DST: variants seen among roughly 807,000 people sequenced by gnomAD.
DST encodes the protein bullous pemphigoid antigen.
In DST, 253 loss-of-function variants were observed where a neutral mutation model predicts 875.2. That is an observed-to-expected ratio of 0.29 (90% CI 0.26 to 0.32). DST has a LOEUF of 0.32. DST is among the 10% of genes least tolerant of loss of function. DST has a pLI of 1.00. For missense variants in DST, 8,287 were observed against 9,111.6 expected (o/e 0.91, Z 3.68); for synonymous variants, 3,124 against 3,197.1 (o/e 0.98, Z 0.77).
chr6:56,608,642 G>A lies in DST; in HGVS notation c.5986C>T (p.Leu1996=). The A allele has an allele frequency of 1.2e-6, 2 of 1,613,204 alleles. No homozygotes were observed. Among genetic ancestry groups the A allele is most frequent in the Non-Finnish European group, 1.7e-6 (2 of 1,179,572 alleles). The change falls in exon 40 of 104, where the codon CTG becomes TTG. Residue 1996 remains leucine, a synonymous_variant. Coordinates refer to ENST00000680361, the MANE Select transcript of DST (RefSeq NM_001374736.1). ...LLSAQLLSGG[L]INSNSGQRMT... ...CTTTGGCCAGAGTTGGAATTGATCA[G>A]ACCTCCAGAAAGAAGCTGTGCACTT...
At chr6:56,492,876 A>G in intron 84 of DST, 58 bp downstream of exon 84, 1 of 1,396,432 alleles carries the variant, frequency 7.2e-7, no homozygotes, top group South Asian at 1.7e-5. Context: ...GTCTCAAAAA[A>G]AAAAAAAAAA....
chr6:56,529,494 T>G lies in DST; in HGVS notation c.17549A>C (p.Gln5850Pro), dbSNP rs1194834187. ...VHDKLSKLSV[Q>P]DYSTEGLWKQ... The stretch of plus-strand genomic sequence containing the variant: ...CCATAGCCCCTCAGTGCTGTAATCC[T>G]GGACTGAGAGCTTGCTCAGTTTGTC... The change falls in exon 66 of 104, where the codon CAG becomes CCG. Residue 5850 changes from glutamine to proline, a missense_variant. By Grantham distance (76) the Gln-to-Pro change is moderately conservative (BLOSUM62 -1). This residue lies in a region of DST where 777 missense variants were observed against 764.8 expected (regional missense o/e 1.02). Transcript: ENST00000680361. The G allele has an allele frequency of 6.2e-7, 1 of 1,606,346 alleles. No homozygotes were observed. The highest frequency in any genetic ancestry group is 8.5e-7 in the Non-Finnish European group (1 of 1,175,868).
chr6:56,632,500 G>A lies in DST; in HGVS notation c.3805+354C>T, dbSNP rs186328945. Among the ~76,000 whole-genome samples, 247 of 152,132 alleles carry A rather than the reference G, an allele frequency of 1.6e-3. 1 individual carries two copies. The highest frequency in any genetic ancestry group is 1.1e-3 in the Non-Finnish European group (77 of 67,974). On this transcript the variant is annotated intron_variant, in intron 28 of 103. Coordinates refer to ENST00000680361, the MANE Select transcript of DST (RefSeq NM_001374736.1). ...TCTGTATTTAACAAAAGTTAACTAG[G>A]CAAAAACCTTTTGCTTTAATCCTTG...
intron 9 of DST, among the ~76,000 whole-genome samples, chr6:56,681,185 A>C (rs1379420300): frequency 6.6e-6 from 1 of 152,132 alleles, no homozygotes; most frequent in Non-Finnish European, 1.5e-5. Flanking sequence ...CCTAGCTCAG[A>C]GAATGGCCCC....
intron 94 of DST, 158 bp downstream of exon 94, chr6:56,471,901 T>C: frequency 2.7e-6 from 2 of 740,576 alleles, no homozygotes; most frequent in Non-Finnish European, 4.8e-6. Flanking sequence ...TCACACATAC[T>C]TGTGGTATTT....
At chr6:56,766,933 CT>C (rs1008425133) in intron 4 of DST, among the ~76,000 whole-genome samples, 55 of 152,244 alleles carry the variant, frequency 3.6e-4, no homozygotes, top group African/African-American at 1.3e-3. Context: ...TGAGTCAGTG[CT>C]TTTTTTCTGT....
At position 56,905,804 on chromosome 6, in the gene DST, G is replaced by A. The variant is rs369210185; in HGVS notation, c.217-5183C>T. ...GATGGGATTACAGGCACAGGCCACC[G>A]CACCCAGCTAATTTTTATATTTTTA... On this transcript the variant is annotated intron_variant, in intron 2 of 103. Transcript: ENST00000680361. 1.1e-4 allele frequency among the ~76,000 whole-genome samples: 17 copies of A among 151,870 alleles called. No individual in the cohort carries two copies. In the East Asian group the frequency reaches 1.2e-3, roughly 10 times the overall value.
At chr6:56,722,086 T>C (rs1241734335) in intron 5 of DST, among the ~76,000 whole-genome samples, 2 of 151,762 alleles carry the variant, frequency 1.3e-5, no homozygotes, top group Non-Finnish European at 2.9e-5. Flanking sequence ...TTTAAAAATG[T>C]AAAACATATT....
intron 4 of DST, among the ~76,000 whole-genome samples, chr6:56,773,548 T>C (rs930463828): frequency 7.2e-5 from 11 of 151,790 alleles, no homozygotes; most frequent in Admixed American, 5.9e-4. Flanking sequence ...AATGGGGAGG[T>C]TGGGGACAGT....
intron 4 of DST, among the ~76,000 whole-genome samples, chr6:56,812,369 T>A (rs749916353): frequency 6.6e-6 from 1 of 152,190 alleles, no homozygotes; most frequent in African/African-American, 2.4e-5. Flanking sequence ...AATCAGGTCA[T>A]AACTCATTCT....
chr6:56,748,263 T>C (rs1273339898), intron 4 of DST, among the ~76,000 whole-genome samples: 1 of 152,160 alleles, frequency 6.6e-6, no homozygotes, highest in Non-Finnish European at 1.5e-5. Flanking sequence ...CACTAGATTG[T>C]ATTTGGTAGG....
intron 52 of DST, 134 bp from the exon 53 acceptor site, chr6:56,572,400 T>C: frequency 1.8e-6 from 1 of 552,072 alleles, no homozygotes; most frequent in Non-Finnish European, 3.0e-6. Context: ...CTATGGCCAG[T>C]ATTCTAAATA....
At chr6:56,517,768 G>A (rs568955055) in intron 69 of DST, 148 bp from the exon 70 acceptor site, 1 of 960,770 alleles carries the variant, frequency 1.0e-6, no homozygotes, top group South Asian at 2.0e-5. Flanking sequence ...TCGTGATAAT[G>A]ACTAAATTTT....
Position 56,598,030 on chromosome 6 carries a change from G to A in DST, c.11929-24C>T, listed in dbSNP as rs780709720. 4 of 1,556,404 alleles carry A rather than the reference G, an allele frequency of 2.6e-6. No homozygotes were observed. In the Admixed American group the frequency reaches 5.6e-5, roughly 22 times the overall value. On this transcript the variant is annotated intron_variant, in intron 46 of 103. Coordinates refer to ENST00000680361, the MANE Select transcript of DST (RefSeq NM_001374736.1). ...ACCTGGGAAGGGAAAGTTCACAGGA[G>A]GAATTCAGAACGTGGGCCAAGGCAT...
chr6:56,711,754 G>C (rs1032872105), intron 5 of DST, among the ~76,000 whole-genome samples: 1 of 152,104 alleles, frequency 6.6e-6, no homozygotes. Flanking sequence ...ACATATGAGA[G>C]AGAGAAGAAC....
At chr6:56,857,499 A>G (rs1768537763) in intron 3 of DST, among the ~76,000 whole-genome samples, 1 of 152,224 alleles carries the variant, frequency 6.6e-6, no homozygotes, top group South Asian at 2.1e-4. Context: ...GAAGTCACCA[A>G]AGAAAGATGA....
intron 98 of DST, chr6:56,466,988 C>T (rs1296072792): frequency 2.0e-5 from 3 of 152,126 alleles, no homozygotes; most frequent in Non-Finnish European, 4.4e-5. Context: ...TGTAGATATG[C>T]TACAAATTCT....
chr6:56,603,204 C>T lies in DST; in HGVS notation c.11157+1G>A. On this transcript the variant is annotated splice_donor_variant, in intron 42 of 103. Coordinates refer to ENST00000680361, the MANE Select transcript of DST (RefSeq NM_001374736.1). LOFTEE classifies it high-confidence loss of function. Reference sequence around the variant, plus strand: ...TCAAAATTTTGACATTTTATGCCTACCATTTCAGAGTCGATCGCAAGCATG... The same window carrying T: ...TCAAAATTTTGACATTTTATGCCTATCATTTCAGAGTCGATCGCAAGCATG... 7 of 1,593,464 alleles carry T rather than the reference C, an allele frequency of 4.4e-6. No homozygotes were observed. The highest frequency in any genetic ancestry group is 6.0e-6 in the Non-Finnish European group (7 of 1,169,788).
At position 56,562,171 on chromosome 6, in the gene DST, C is replaced by G. The variant is rs775166216; in HGVS notation, c.14035G>C (p.Ala4679Pro). The G allele has an allele frequency of 9.0e-6, 14 of 1,556,530 alleles. No homozygotes were observed. Among genetic ancestry groups the G allele is most frequent in the Non-Finnish European group, 1.1e-5 (13 of 1,149,774 alleles). Residue 4679 changes from alanine to proline, a missense_variant, in exon 56 of 104, where the codon GCC (alanine) becomes CCC (proline). Coordinates refer to ENST00000680361, the MANE Select transcript of DST (RefSeq NM_001374736.1). ...GGAVLNGEGT[A>P]TNTEEFWANK... ...GCCCAAAATTCCTCAGTATTTGTGG[C>G]TGTTCCTTCACCATTTAATACTGCT... is the stretch of plus-strand genomic sequence containing the variant.
Sources: gnomAD v4.1 joint callset for allele counts (sites outside exome capture counted in the v4.1 genomes callset) on GRCh38, gnomAD v4.1.1 for gene constraint, gnomAD v4.1.1 regional missense constraint, MANE v1.5 for transcripts, NCBI Gene and HGNC (gene_info 2026-07-23, HGNC 2026-07-21) for gene names.